DDI2: variants seen among roughly 807,000 people sequenced by gnomAD.
DDI2 encodes the protein protein DDI1 homolog 2.
DDI2 carries 5 observed loss-of-function variants against 48.1 expected under a neutral mutation model. That is an observed-to-expected ratio of 0.10 (90% confidence interval 0.05 to 0.22). The LOEUF is 0.22. Among genes scored for constraint, DDI2 ranks in the 10% least tolerant of loss-of-function variants. The pLI, the probability that DDI2 is intolerant of heterozygous loss-of-function variation, is 1.00. For synonymous variants in DDI2, 205 were observed against 183.6 expected, an observed-to-expected ratio of 1.12 and a Z score of -0.94; for missense variants, 285 against 506.2, an observed-to-expected ratio of 0.56 and a Z score of 4.19.
chr1:15,658,498 C>G (rs1024614115), intron 9 of DDI2, among the ~76,000 whole-genome samples: 10 of 151,252 alleles, frequency 6.6e-5, no homozygotes, highest in Non-Finnish European at 1.3e-4. Flanking sequence ...TGCGGTGGCT[C>G]TTGCCTGTAA....
At chr1:15,636,057 G>C (rs575900600) in intron 4 of DDI2, among the ~76,000 whole-genome samples, 2 of 152,192 alleles carry the variant, frequency 1.3e-5, no homozygotes, top group South Asian at 4.1e-4. Context: ...CAAAATGACT[G>C]ATAAAGCTAT....
rs986600253 is a variant in DDI2 at position 15,617,504 on chromosome 1, G to A, written c.-167G>A. ...GCGGCGGCCGTGCTTGCTAGTGAGG[G>A]CGGGAGGGAGTGACTCACTGAGCGT... On this transcript the variant is annotated 5_prime_UTR_variant, in exon 1 of 10. Transcript: ENST00000480945. 1 of 428,666 alleles carries A rather than the reference G, an allele frequency of 2.3e-6. No individual in the cohort carries two copies. The highest frequency in any genetic ancestry group is 3.8e-6 in the Non-Finnish European group (1 of 264,462). 26.6% of individuals were successfully genotyped at this position (428,666 alleles called of 1,614,324 possible). A position where few individuals can be genotyped will look rare whatever the true frequency, so the allele number is the denominator to read the frequency against.
intron 6 of DDI2, among the ~76,000 whole-genome samples, chr1:15,644,508 G>A (rs914538445): frequency 6.7e-6 from 1 of 149,890 alleles, no homozygotes; most frequent in African/African-American, 2.5e-5. Flanking sequence ...CACTGTCAGT[G>A]TTGCTGTAGT....
rs750285872 is a variant in DDI2, at chr1:15,630,549, A to T, written c.493A>T (p.Ser165Cys). 15 of 1,611,820 alleles carry T rather than the reference A, an allele frequency of 9.3e-6. No homozygotes were observed. The East Asian group carries it at 3.3e-4, about 36-fold the overall frequency. The change falls in exon 3 of 10, where the codon AGT (serine) becomes TGT (cysteine). Residue 165 changes from serine to cysteine, a missense_variant. By Grantham distance (112) the Ser-to-Cys change is moderately radical. This residue lies in a region of DDI2 where 149 missense variants were observed against 236.5 expected (regional missense o/e 0.63). Coordinates refer to ENST00000480945, the MANE Select transcript of DDI2 (RefSeq NM_032341.5). ...RNPPLAEALL[S>C]GDLEKFSRVL... is the part of the protein sequence containing the mutation. ...TCCACCCCTGGCAGAAGCTCTGCTC[A>T]GTGGAGACCTTGGTAAGCTTATAAA... is the stretch of plus-strand genomic sequence containing the variant.
Position 15,650,819 on chromosome 1 carries a change from A to G in DDI2, c.994-887A>G, listed in dbSNP as rs1361963616. Among the ~76,000 whole-genome samples, 4 of 152,320 alleles carry G rather than the reference A, an allele frequency of 2.6e-5. No individual in the cohort carries two copies. In the South Asian group the frequency reaches 8.3e-4, roughly 32 times the overall value. The stretch of plus-strand genomic sequence containing the variant: ...AAAATATTTCTGTAAAAGTAGATGC[A>G]TCATATTGATAATAAGACACAGCAT... On this transcript the variant is annotated intron_variant, in intron 7 of 9. Coordinates refer to ENST00000480945, the MANE Select transcript of DDI2 (RefSeq NM_032341.5).
intron 6 of DDI2, among the ~76,000 whole-genome samples, chr1:15,646,359 C>T (rs1290742508): frequency 6.6e-6 from 1 of 152,130 alleles, no homozygotes; most frequent in African/African-American, 2.4e-5. Flanking sequence ...AATTTTGTTC[C>T]TGTGGTCTCT....
At chr1:15,623,033 TA>T (rs1639694750) in intron 1 of DDI2, among the ~76,000 whole-genome samples, 3 of 152,194 alleles carry the variant, frequency 2.0e-5, no homozygotes, top group Non-Finnish European at 2.9e-5. Flanking sequence ...TTTACATTTT[TA>T]TTGTTAGATC....
At chr1:15,655,121 G>A (rs1442340502) in intron 8 of DDI2, among the ~76,000 whole-genome samples, 1 of 152,066 alleles carries the variant, frequency 6.6e-6, no homozygotes, top group Non-Finnish European at 1.5e-5. Flanking sequence ...TAGTGAAGGG[G>A]ATGTACCAAC....
intron 1 of DDI2, among the ~76,000 whole-genome samples, chr1:15,623,257 AGTAGTACTTGTT>A (rs1472447672): frequency 5.3e-5 from 8 of 152,078 alleles, no homozygotes; most frequent in African/African-American, 1.9e-4. Context: ...TGGATGGCTT[AGTAGTACTTGTT>A]AAAATCACCC....
intron 1 of DDI2, among the ~76,000 whole-genome samples, chr1:15,618,437 C>G (rs77808099): frequency 6.6e-6 from 1 of 152,064 alleles, no homozygotes; most frequent in African/African-American, 2.4e-5. Flanking sequence ...AAAAACAGTA[C>G]CTATTGGTTC....
intron 1 of DDI2, among the ~76,000 whole-genome samples, chr1:15,626,211 A>G (rs1639751456): frequency 6.6e-6 from 1 of 152,238 alleles, no homozygotes; most frequent in Non-Finnish European, 1.5e-5. Context: ...TCGTGAATGA[A>G]ACAAAGTCTT....
intron 1 of DDI2, among the ~76,000 whole-genome samples, chr1:15,618,470 C>T (rs910077379): frequency 6.6e-6 from 1 of 152,096 alleles, no homozygotes; most frequent in Non-Finnish European, 1.5e-5. Context: ...TTGTTTGTTT[C>T]GGTTCTACCC....
At position 15,660,303 on chromosome 1, in the gene DDI2, G is replaced by T; in HGVS notation, c.*513G>T. 6.2e-7 allele frequency: 1 copy of T among 1,614,166 alleles called. No homozygotes were observed. Among genetic ancestry groups the T allele is most frequent in the Non-Finnish European group, 8.5e-7 (1 of 1,180,032 alleles). ...CTACTAGGATGCATGAACCACAGAT[G>T]TTTCTAGGTGAAAAGGATTGGCATC... On this transcript the variant is annotated 3_prime_UTR_variant, in exon 10 of 10. Coordinates refer to ENST00000480945, the MANE Select transcript of DDI2 (RefSeq NM_032341.5).
intron 4 of DDI2, among the ~76,000 whole-genome samples, chr1:15,635,601 C>T (rs1355333072): frequency 6.6e-6 from 1 of 152,168 alleles, no homozygotes; most frequent in African/African-American, 2.4e-5. Flanking sequence ...GATGGGGTTT[C>T]ACCATCTTGG....
rs1640487955 is a variant in DDI2, at chr1:15,668,698, A to G, written c.*8908A>G. Reference sequence around the variant, plus strand: ...CTTTGAGACTACTGCATCTTAAAAGAAGAACTAGGCTGACTGGCAAAAAGT... The same window carrying G: ...CTTTGAGACTACTGCATCTTAAAAGGAGAACTAGGCTGACTGGCAAAAAGT... On this transcript the variant is annotated 3_prime_UTR_variant, in exon 10 of 10. Coordinates refer to ENST00000480945, the MANE Select transcript of DDI2 (RefSeq NM_032341.5). 1 of 152,224 alleles carries G rather than the reference A, an allele frequency of 6.6e-6. No homozygotes were observed. Among genetic ancestry groups the G allele is most frequent in the Admixed American group, 6.5e-5 (1 of 15,280 alleles). The allele number at this position is 152,224 out of a possible 1,614,324, so 9.4% of individuals were successfully genotyped here. A position where few individuals can be genotyped will look rare whatever the true frequency, so the allele number is the denominator to read the frequency against.
intron 1 of DDI2, among the ~76,000 whole-genome samples, chr1:15,619,378 G>C (rs1407348283): frequency 6.6e-6 from 1 of 151,824 alleles, no homozygotes; most frequent in Non-Finnish European, 1.5e-5. Context: ...TGCCCGCCTC[G>C]GCCTCCCAAA....
intron 6 of DDI2, among the ~76,000 whole-genome samples, chr1:15,648,952 G>A (rs973513509): frequency 6.6e-6 from 1 of 152,014 alleles, no homozygotes; most frequent in African/African-American, 2.4e-5. Flanking sequence ...TAGGTCATCT[G>A]CTGGGTGTGG....
intron 9 of DDI2, 53 bp downstream of exon 9, chr1:15,656,732 A>G: frequency 6.2e-7 from 1 of 1,610,210 alleles, no homozygotes; most frequent in South Asian, 1.1e-5. Flanking sequence ...CTGTGATCTG[A>G]CAGTCTGTAT....
intron 1 of DDI2, among the ~76,000 whole-genome samples, chr1:15,624,430 G>A (rs113861406): frequency 3.9e-5 from 6 of 152,182 alleles, no homozygotes; most frequent in African/African-American, 1.4e-4. Flanking sequence ...TGATGGGAGT[G>A]ACAGTTGCAG....
Sources: gnomAD v4.1 joint callset for allele counts (sites outside exome capture counted in the v4.1 genomes callset) on GRCh38, gnomAD v4.1.1 for gene constraint, gnomAD v4.1.1 regional missense constraint, MANE v1.5 for transcripts, NCBI Gene and HGNC (gene_info 2026-07-23, HGNC 2026-07-21) for gene names.